RAPGEF1: variants seen among roughly 807,000 people sequenced by gnomAD.
The protein encoded by RAPGEF1 is Rap guanine nucleotide exchange factor 1, also known as CRK SH3-binding GNRP.
Under a neutral mutation model 143.3 loss-of-function variants are expected in RAPGEF1, and 33 were observed. That is an observed-to-expected ratio of 0.23 (90% CI 0.17 to 0.31). The LOEUF is 0.31. Among genes scored for constraint, RAPGEF1 ranks in the 10% least tolerant of loss-of-function variants. RAPGEF1 has a pLI of 1.00. For missense variants in RAPGEF1, 1,199 were observed against 1,645.4 expected (o/e 0.73, Z 4.69); for synonymous variants, 629 against 676.5 (o/e 0.93, Z 1.09).
intron 22 of RAPGEF1, 135 bp downstream of exon 22, chr9:131,587,601 A>AC (rs1953377921): frequency 1.2e-6 from 1 of 809,118 alleles, no homozygotes; most frequent in Non-Finnish European, 2.0e-6. Flanking sequence ...GCTCATGGGA[A>AC]CCCCCAGGAG....
chr9:131,672,580 C>T (rs1466920975), intron 1 of RAPGEF1, among the ~76,000 whole-genome samples: 1 of 152,170 alleles, frequency 6.6e-6, no homozygotes, highest in African/African-American at 2.4e-5. Flanking sequence ...TCTGAGGGAA[C>T]CGGTTGAGCT....
At chr9:131,635,475 G>C (rs1307405851) in intron 5 of RAPGEF1, among the ~76,000 whole-genome samples, 1 of 151,920 alleles carries the variant, frequency 6.6e-6, no homozygotes, top group East Asian at 1.9e-4. Context: ...AAACAACGGT[G>C]AGTCAGTGTA....
At chr9:131,709,473 G>C in intron 1 of RAPGEF1, 2 of 683,484 alleles carry the variant, frequency 2.9e-6, no homozygotes, top group Non-Finnish European at 4.9e-6. Flanking sequence ...GGAGAATTGT[G>C]AATTTTCTTG....
At chr9:131,582,483 T>C in intron 25 of RAPGEF1, 122 bp downstream of exon 25, 1 of 657,696 alleles carries the variant, frequency 1.5e-6, no homozygotes, top group Non-Finnish European at 2.4e-6. Flanking sequence ...TAAAACCAAG[T>C]ACAAATGTCT....
intron 1 of RAPGEF1, among the ~76,000 whole-genome samples, chr9:131,681,510 T>C (rs2130926391): frequency 6.6e-6 from 1 of 152,350 alleles, no homozygotes; most frequent in South Asian, 2.1e-4. Context: ...CCTTTTGTAA[T>C]GGGACTGTTA....
At position 131,610,178 on chromosome 9, in the gene RAPGEF1, G is replaced by C. The variant is rs542599243; in HGVS notation, c.2062-4990C>G. 2.0e-5 allele frequency among the ~76,000 whole-genome samples: 3 copies of C among 152,326 alleles called. No individual in the cohort carries two copies. In the East Asian group the frequency reaches 5.8e-4, roughly 29 times the overall value. ...CCCAAAGTGCTGTGATTATAGGCGT[G>C]AGCCATCGTGCCCAGCAGGAAAGCA... On this transcript the variant is annotated intron_variant, in intron 12 of 26. Transcript: ENST00000683357.
chr9:131,727,949 C>T (rs1329996560), intron 1 of RAPGEF1, among the ~76,000 whole-genome samples: 1 of 152,116 alleles, frequency 6.6e-6, no homozygotes, highest in African/African-American at 2.4e-5. Flanking sequence ...TGTGGTTATG[C>T]TAATTGAGAG....
chr9:131,702,182 G>A (rs979452027), intron 1 of RAPGEF1, among the ~76,000 whole-genome samples: 7 of 152,184 alleles, frequency 4.6e-5, no homozygotes, highest in Non-Finnish European at 1.0e-4. Flanking sequence ...CATTAGTCAC[G>A]CTGCCTAACA....
chr9:131,704,726 C>A (rs528330897), intron 1 of RAPGEF1, among the ~76,000 whole-genome samples: 2 of 151,746 alleles, frequency 1.3e-5, no homozygotes, highest in African/African-American at 4.8e-5. Context: ...CTCTTCAAAT[C>A]ATTTCGAAAG....
At chr9:131,643,835 T>G (rs1968762415) in intron 3 of RAPGEF1, among the ~76,000 whole-genome samples, 1 of 152,186 alleles carries the variant, frequency 6.6e-6, no homozygotes, top group Admixed American at 6.5e-5. Context: ...AGCTCCAGGC[T>G]TTTGTTTCAA....
At position 131,621,631 on chromosome 9, in the gene RAPGEF1, G is replaced by A. The variant is rs1413174485; in HGVS notation, c.1905+165C>T. 6.6e-6 allele frequency among the ~76,000 whole-genome samples: 1 copy of A among 152,312 alleles called. No individual in the cohort carries two copies. The highest frequency in any genetic ancestry group is 1.5e-5 in the Non-Finnish European group (1 of 68,022). ...GCTGGGCTGCTGGTGAGCATCTAAGGAGGAAGTAAAAGCATCTGTGTGGGA... is the reference window on the plus strand; with the variant it reads ...GCTGGGCTGCTGGTGAGCATCTAAGAAGGAAGTAAAAGCATCTGTGTGGGA... On this transcript the variant is annotated intron_variant, in intron 11 of 26. Transcript: ENST00000683357. This position sits in a 1 kb window ranked among gnomAD's most constrained non-coding sequence, Gnocchi z 4.5.
At chr9:131,639,171 T>C (rs564021877) in intron 4 of RAPGEF1, among the ~76,000 whole-genome samples, 1 of 152,310 alleles carries the variant, frequency 6.6e-6, no homozygotes, top group East Asian at 1.9e-4. Context: ...AAGCAGTGTA[T>C]ACTGATTGTT....
intron 14 of RAPGEF1, 47 bp downstream of exon 14, chr9:131,603,914 C>T: frequency 8.3e-7 from 1 of 1,203,564 alleles, no homozygotes; most frequent in Non-Finnish European, 1.1e-6. Flanking sequence ...AGAGCCCAAG[C>T]CCCACCAGGC....
chr9:131,728,283 G>GT (rs1333540992), intron 1 of RAPGEF1, among the ~76,000 whole-genome samples: 2 of 152,178 alleles, frequency 1.3e-5, no homozygotes, highest in African/African-American at 2.4e-5. Context: ...ATGTCTTGTG[G>GT]TTTTTAACTG....
At chr9:131,726,482 C>T (rs1486951390) in intron 1 of RAPGEF1, among the ~76,000 whole-genome samples, 6 of 151,932 alleles carry the variant, frequency 3.9e-5, no homozygotes, top group South Asian at 2.1e-4. Flanking sequence ...AAAAATTAGC[C>T]GGACGCGGTG....
At chr9:131,696,946 T>C (rs926241533) in intron 1 of RAPGEF1, among the ~76,000 whole-genome samples, 3 of 152,252 alleles carry the variant, frequency 2.0e-5, no homozygotes, top group African/African-American at 4.8e-5. Context: ...TATTCACGCC[T>C]CATATGCTAA....
intron 1 of RAPGEF1, among the ~76,000 whole-genome samples, chr9:131,734,392 A>G (rs6597525): frequency 0.048 from 7,261 of 152,258 alleles, 591 homozygotes; most frequent in African/African-American, 0.17. Flanking sequence ...TGAAAACCAC[A>G]GGAAATTGCA....
At chr9:131,597,959 G>A (rs1471515308) in intron 16 of RAPGEF1, among the ~76,000 whole-genome samples, 1 of 152,232 alleles carries the variant, frequency 6.6e-6, no homozygotes, top group Non-Finnish European at 1.5e-5. Context: ...TAGCTAGAGA[G>A]GCTGCAGAAC....
chr9:131,590,355 C>A (rs2132264776), intron 18 of RAPGEF1, among the ~76,000 whole-genome samples: 1 of 152,242 alleles, frequency 6.6e-6, no homozygotes, highest in Middle Eastern at 3.4e-3. Flanking sequence ...ACCCTCCAAA[C>A]CCCAGGTCCC....
Sources: allele counts gnomAD v4.1 joint callset (sites outside exome capture counted in the v4.1 genomes callset), GRCh38; gene constraint gnomAD v4.1.1; non-coding constraint Gnocchi (gnomAD v3.1); transcripts MANE v1.5; gene names NCBI Gene and HGNC (gene_info 2026-07-23, HGNC 2026-07-21).